Variants in PRKD2 observed in about 807,000 individuals in gnomAD.
The protein encoded by PRKD2 is protein kinase D2, also known as serine/threonine-protein kinase D2.
Under a neutral mutation model 86.0 loss-of-function variants are expected in PRKD2, and 22 were observed. That is an observed-to-expected ratio of 0.26 (90% CI 0.18 to 0.37). The LOEUF (loss-of-function observed/expected upper bound fraction) is 0.37. Among genes scored for constraint, PRKD2 ranks in the 10% least tolerant of loss-of-function variants. The pLI is 1.00. For missense variants in PRKD2, 818 were observed against 1,199.2 expected (o/e 0.68, Z 4.70); for synonymous variants, 509 against 510.9 (o/e 1.00, Z 0.05).
chr19:46,683,551 G>C (rs2053346784), intron 14 of PRKD2, among the ~76,000 whole-genome samples: 1 of 152,024 alleles, frequency 6.6e-6, no homozygotes, highest in African/African-American at 2.4e-5. Flanking sequence ...GCAAAACCCT[G>C]CCTCTATTAA....
In PRKD2 at chr19:46,716,550, A is replaced by G; in HGVS notation, c.-180T>C. 4 of 485,292 alleles carry G rather than the reference A, an allele frequency of 8.2e-6. No homozygotes were observed. Among genetic ancestry groups the G allele is most frequent in the Non-Finnish European group, 1.4e-5 (4 of 277,766 alleles). The allele number at this position is 485,292 out of a possible 1,614,324, so 30.1% of individuals were successfully genotyped here. ...ATGGCGGGGTCCTGGGAAGGAGAGA[A>G]AGGCACTATAGTGGGTCAGAGGCCC... On this transcript the variant is annotated 5_prime_UTR_variant, in exon 1 of 18. Coordinates refer to ENST00000291281, the MANE Select transcript of PRKD2 (RefSeq NM_016457.5). The surrounding 1 kb of genome is among the most constrained non-coding windows in gnomAD (Gnocchi z 7.9).
In PRKD2 at chr19:46,710,955, A is replaced by T; in HGVS notation, c.463T>A (p.Cys155Ser). Reference sequence around the variant, plus strand: ...ACTAGGCCGAAGAGCATCTCCCCGCAGTGATCACAGAAGGCAGGCGCCCGA... The same window carrying T: ...ACTAGGCCGAAGAGCATCTCCCCGCTGTGATCACAGAAGGCAGGCGCCCGA... ...SYRAPAFCDHCGEMLFGLVRQ... is the reference protein window; with the variant it reads ...SYRAPAFCDHSGEMLFGLVRQ... Residue 155 changes from cysteine (C) to serine (S), a missense_variant, in exon 3 of 18, where the codon TGC becomes AGC. Around this residue, in one of 5 missense-constraint regions of PRKD2, gnomAD observed 403 missense variants for 518.6 expected, o/e 0.78. Transcript: ENST00000291281. The T allele has an allele frequency of 6.5e-7, 1 of 1,526,980 alleles. No individual in the cohort carries two copies. The highest frequency in any genetic ancestry group is 8.8e-7 in the Non-Finnish European group (1 of 1,132,090). The allele number at this position is 1,526,980 out of a possible 1,614,324, so 94.6% of individuals were successfully genotyped here.
intron 15 of PRKD2, among the ~76,000 whole-genome samples, chr19:46,680,527 G>A (rs1353535392): frequency 6.6e-6 from 1 of 152,112 alleles, no homozygotes; most frequent in East Asian, 1.9e-4. Flanking sequence ...GACCTCAAGT[G>A]ATCTGCCCGC....
intron 14 of PRKD2, among the ~76,000 whole-genome samples, chr19:46,682,571 G>A (rs1329659198): frequency 2.6e-5 from 4 of 152,158 alleles, no homozygotes; most frequent in Non-Finnish European, 5.9e-5. Context: ...AGAGATAAGA[G>A]TTAAATGTAA....
At chr19:46,708,692 A>G (rs947355082) in intron 3 of PRKD2, among the ~76,000 whole-genome samples, 2 of 152,182 alleles carry the variant, frequency 1.3e-5, no homozygotes, top group Non-Finnish European at 2.9e-5. Context: ...GCCCTCTGCA[A>G]GGCAGGAAAG....
At position 46,697,206 on chromosome 19, in the gene PRKD2, C is replaced by T; in HGVS notation, c.1268G>A (p.Cys423Tyr). 1 of 1,599,944 alleles carries T rather than the reference C, an allele frequency of 6.3e-7. No individual in the cohort carries two copies. The highest frequency in any genetic ancestry group is 1.1e-5 in the South Asian group (1 of 90,762). ...GTTCTGGAAGAGCGTGATACACTTGCAGTCCAGGCGCCAATAGTGCCGCTT... is the reference window on the plus strand; with the variant it reads ...GTTCTGGAAGAGCGTGATACACTTGTAGTCCAGGCGCCAATAGTGCCGCTT... ...LRKRHYWRLD[C>Y]KCITLFQNNT... The change falls in exon 9 of 18, where the codon TGC becomes TAC. Residue 423 changes from cysteine to tyrosine, a missense_variant. Physicochemically the swap from Cys to Tyr is radical, Grantham distance 194 (BLOSUM62 -2). Coordinates refer to ENST00000291281, the MANE Select transcript of PRKD2 (RefSeq NM_016457.5).
At position 46,717,061 on chromosome 19, in the gene PRKD2, T is replaced by A. The variant is rs1414621199; in HGVS notation, c.-691A>T. On this transcript the variant is annotated 5_prime_UTR_variant, in exon 1 of 18. Transcript: ENST00000291281. ...GGTCGCCAGGCGCCAGTAGCTCTTT[T>A]TCCCCCTCCAAAGTTTAAGTCGGCG... 6.5e-6 allele frequency: 1 copy of A among 154,182 alleles called. No individual in the cohort carries two copies. The highest frequency in any genetic ancestry group is 2.4e-5 in the African/African-American group (1 of 41,402). 9.6% of individuals were successfully genotyped at this position (154,182 alleles called of 1,614,324 possible).
intron 3 of PRKD2, 34 bp downstream of exon 3, chr19:46,710,873 C>G: frequency 6.6e-7 from 1 of 1,525,312 alleles, no homozygotes; most frequent in South Asian, 1.2e-5. Context: ...CAGAGCCCCG[C>G]CCCAGGCCCC....
Position 46,688,448 on chromosome 19 carries a change from T to TATTA in PRKD2, c.1971+1088_1971+1089insTAAT, listed in dbSNP as rs60631103. 1.7e-3 allele frequency among the ~76,000 whole-genome samples: 255 copies of TATTA among 150,716 alleles called. 2 individuals carry two copies. Among genetic ancestry groups the TATTA allele is most frequent in the African/African-American group, 5.5e-3 (227 of 41,046 alleles). ...TATTATTATTATTATTATTATTTTTTTTTTTGAGACGAAGTTTCACTCTTG... is the reference window on the plus strand; with the variant it reads ...TATTATTATTATTATTATTATTTTTTATTATTTTTGAGACGAAGTTTCACTCTTG... On this transcript the variant is annotated intron_variant, in intron 14 of 17. Transcript: ENST00000291281.
In PRKD2 at chr19:46,693,777, A is replaced by T; in HGVS notation, c.1576+98T>A. The T allele has an allele frequency of 1.4e-6, 2 of 1,476,176 alleles. No homozygotes were observed. The highest frequency in any genetic ancestry group is 1.8e-6 in the Non-Finnish European group (2 of 1,108,024). The allele number at this position is 1,476,176 out of a possible 1,614,324, so 91.4% of individuals were successfully genotyped here. On this transcript the variant is annotated intron_variant, in intron 10 of 17. Transcript: ENST00000291281. The surrounding 1 kb of genome is among the most constrained non-coding windows in gnomAD (Gnocchi z 4.5). Reference sequence around the variant, plus strand: ...GTCCAGAAGCTGCGTTCTCAACCCCACCATTGCCCACTTTCCTCTTTGGCC... The same window carrying T: ...GTCCAGAAGCTGCGTTCTCAACCCCTCCATTGCCCACTTTCCTCTTTGGCC...
intron 15 of PRKD2, among the ~76,000 whole-genome samples, chr19:46,680,050 A>G (rs567705365): frequency 4.7e-4 from 71 of 152,060 alleles, no homozygotes; most frequent in South Asian, 1.0e-3. Context: ...CTGTTCATGT[A>G]CTGTCCTTTC....
chr19:46,700,967 G>C lies in PRKD2; in HGVS notation c.968-15C>G. 6.2e-7 allele frequency: 1 copy of C among 1,614,206 alleles called. No homozygotes were observed. The highest frequency in any genetic ancestry group is 8.5e-7 in the Non-Finnish European group (1 of 1,180,012). Reference sequence around the variant, plus strand: ...CATCGGCACATCTGTGGGGACGGAGGCATCAGAGGGGTCTCCACCCAGTCC... The same window carrying C: ...CATCGGCACATCTGTGGGGACGGAGCCATCAGAGGGGTCTCCACCCAGTCC... On this transcript the variant is annotated splice_polypyrimidine_tract_variant and intron_variant, in intron 6 of 17. Coordinates refer to ENST00000291281, the MANE Select transcript of PRKD2 (RefSeq NM_016457.5).
chr19:46,682,328 T>C (rs924043834), intron 14 of PRKD2, among the ~76,000 whole-genome samples: 4 of 151,906 alleles, frequency 2.6e-5, no homozygotes, highest in African/African-American at 9.7e-5. Flanking sequence ...TTTTTTCTTT[T>C]ATTTTTAGTA....
At chr19:46,709,210 A>G (rs1047981059) in intron 3 of PRKD2, 6 of 156,774 alleles carry the variant, frequency 3.8e-5, no homozygotes, top group Non-Finnish European at 8.8e-5. Context: ...TCTTGACCTC[A>G]TGATCCGCCT....
In PRKD2 at chr19:46,710,792, C is replaced by T. The variant is rs569053128; in HGVS notation, c.511+115G>A. 7.4e-4 allele frequency: 874 copies of T among 1,186,544 alleles called. 3 individuals carry two copies. In the Middle Eastern group the frequency reaches 0.012, roughly 16 times the overall value. The allele number at this position is 1,186,544 out of a possible 1,614,324, so 73.5% of individuals were successfully genotyped here. On this transcript the variant is annotated intron_variant, in intron 3 of 17. Transcript: ENST00000291281. ...CCATTATTACTTCCTAGGCTGCGCC[C>T]CCAGCTCTGAGACCCGCTCCTCCTC...
In PRKD2 at chr19:46,675,029, T is replaced by C; in HGVS notation, c.2424+4A>G. ...CAATGGGCCAGCCCTGCCCCCTGCA[T>C]CACCTGTAACCAGGGGTGGCTGAGA... is the stretch of plus-strand genomic sequence containing the variant. On this transcript the variant is annotated splice_donor_region_variant and intron_variant, in intron 17 of 17. Transcript: ENST00000291281. The C allele has an allele frequency of 6.2e-7, 1 of 1,604,190 alleles. No individual in the cohort carries two copies. The highest frequency in any genetic ancestry group is 8.5e-7 in the Non-Finnish European group (1 of 1,174,180).
Position 46,704,714 on chromosome 19 carries a change from T to C in PRKD2, c.512-65A>G, listed in dbSNP as rs2053688503. The C allele has an allele frequency of 7.9e-6, 12 of 1,525,776 alleles. No homozygotes were observed. The South Asian group carries it at 1.6e-4, about 20-fold the overall frequency. 94.5% of individuals were successfully genotyped at this position (1,525,776 alleles called of 1,614,324 possible). A position where few individuals can be genotyped will look rare whatever the true frequency, so the allele number is the denominator to read the frequency against. ...CCCTCCTAGGTCTCTTCTTGAGAAG[T>C]TGTGCCCTTTCCACCCAATCTCTCA... On this transcript the variant is annotated intron_variant, in intron 3 of 17. Transcript: ENST00000291281.
Position 46,675,133 on chromosome 19 carries a change from G to GA in PRKD2, c.2339-16dup. 6.2e-7 allele frequency: 1 copy of GA among 1,602,938 alleles called. No homozygotes were observed. Among genetic ancestry groups the GA allele is most frequent in the Non-Finnish European group, 8.5e-7 (1 of 1,173,252 alleles). On this transcript the variant is annotated splice_polypyrimidine_tract_variant and intron_variant, in intron 16 of 17. Coordinates refer to ENST00000291281, the MANE Select transcript of PRKD2 (RefSeq NM_016457.5). ...GAGGTCAATGGCTGCACAGGAAAGA[G>GA]AAACAGGTCAAGCCCTACAGGTCAA...
intron 7 of PRKD2, 31 bp downstream of exon 7, chr19:46,700,768 C>G: frequency 1.9e-6 from 3 of 1,595,520 alleles, no homozygotes; most frequent in Non-Finnish European, 2.6e-6. Flanking sequence ...AGGGTCTTCC[C>G]CCAGGGTCTC....
Sources: allele counts gnomAD v4.1 joint callset (sites outside exome capture counted in the v4.1 genomes callset), GRCh38; gene constraint gnomAD v4.1.1; regional missense constraint gnomAD v4.1.1; non-coding constraint Gnocchi (gnomAD v3.1); transcripts MANE v1.5; gene names NCBI Gene and HGNC (gene_info 2026-07-23, HGNC 2026-07-21).